Variants in PARP4 observed in about 807,000 individuals in gnomAD.
The protein encoded by PARP4 is poly(ADP-ribose) polymerase family member 4, also known as protein mono-ADP-ribosyltransferase PARP4.
PARP4 carries 120 observed loss-of-function variants against 187.7 expected under a neutral mutation model. That is an observed-to-expected ratio of 0.64 (90% confidence interval 0.55 to 0.74). PARP4 has a LOEUF of 0.74. PARP4 is among the 30% of genes least tolerant of loss of function. The probability of loss-of-function intolerance (pLI) is 0.00; values close to 1 mark genes in which losing one functional copy is unlikely to be tolerated. For synonymous variants in PARP4, 654 were observed against 740.9 expected (o/e 0.88, Z 1.90); for missense variants, 1,836 against 2,070.5 (o/e 0.89, Z 2.20).
chr13:24,504,012 T>C (rs184030789), intron 1 of PARP4, among the ~76,000 whole-genome samples: 77 of 152,352 alleles, frequency 5.1e-4, no homozygotes, highest in Non-Finnish European at 9.0e-4. Flanking sequence ...AAAATCCCTT[T>C]GTACAGGCTC....
At position 24,492,574 on chromosome 13, in the gene PARP4, A is replaced by C; in HGVS notation, c.900T>G (p.Ile300Met). The C allele has an allele frequency of 6.2e-7, 1 of 1,613,972 alleles. No homozygotes were observed. Among genetic ancestry groups the C allele is most frequent in the South Asian group, 1.1e-5 (1 of 91,078 alleles). ...TCAGTGCTGCCTTTACTAGAAGGAGAATCCCCTCTGCCTTGCTCACCTTTC... is the reference window on the plus strand; with the variant it reads ...TCAGTGCTGCCTTTACTAGAAGGAGCATCCCCTCTGCCTTGCTCACCTTTC... ...SLNDVSKAEG[I>M]LLLVKAALKN... is the part of the protein sequence containing the mutation. Residue 300 changes from isoleucine (I) to methionine (M), a missense_variant, in exon 9 of 34, where the codon ATT becomes ATG. Ile to Met is a conservative substitution (Grantham distance 10, BLOSUM62 1). Around this residue, in one of 8 missense-constraint regions of PARP4, gnomAD observed 1,147 missense variants for 1,214.2 expected, o/e 0.94. Transcript: ENST00000381989.
In PARP4 at chr13:24,503,663, G is replaced by A. The variant is rs778798689; in HGVS notation, c.114C>T (p.Ser38=). 1.2e-6 allele frequency: 2 copies of A among 1,612,874 alleles called. No homozygotes were observed. The highest frequency in any genetic ancestry group is 2.7e-5 in the African/African-American group (2 of 74,900). Residue 38 remains serine, a synonymous_variant, in exon 2 of 34, where the codon TCC becomes TCT. Transcript: ENST00000381989. The part of the protein sequence containing the change: ...TDIKENGGKF[S]FSLNPQCTHI... ...GAAATACCTGAGGATTTAACGAAAA[G>A]GAAAACTTTCCGCCATTTTCCTTAA...
chr13:24,426,088 T>C (rs1329868112), intron 33 of PARP4, among the ~76,000 whole-genome samples: 5 of 152,214 alleles, frequency 3.3e-5, no homozygotes, highest in Admixed American at 2.0e-4. Flanking sequence ...TTTAAATACT[T>C]GTATTGTATT....
chr13:24,467,276 C>T (rs188584074), intron 17 of PARP4, among the ~76,000 whole-genome samples: 2 of 152,302 alleles, frequency 1.3e-5, no homozygotes, highest in East Asian at 3.9e-4. Flanking sequence ...TCTGTTACTT[C>T]CACACTTAAA....
intron 23 of PARP4, among the ~76,000 whole-genome samples, chr13:24,452,946 T>A (rs998376783): frequency 6.6e-6 from 1 of 152,134 alleles, no homozygotes; most frequent in Non-Finnish European, 1.5e-5. Flanking sequence ...TTATTTTTTT[T>A]TTCTTTGAGA....
rs372633653 is a variant in PARP4 at position 24,435,179 on chromosome 13, G to A, written c.3962C>T (p.Pro1321Leu). 539 of 1,614,046 alleles carry A rather than the reference G, an allele frequency of 3.3e-4. No homozygotes were observed. The highest frequency in any genetic ancestry group is 4.3e-4 in the Non-Finnish European group (511 of 1,180,022). Residue 1321 changes from proline to leucine, a missense_variant, in exon 31 of 34, where the codon CCG (proline) becomes CTG (leucine). By Grantham distance (98) the Pro-to-Leu change is moderately conservative. Coordinates refer to ENST00000381989, the MANE Select transcript of PARP4 (RefSeq NM_006437.4). The stretch of plus-strand genomic sequence containing the variant: ...CGGGGGAAGATAGGAACCAACGGCC[G>A]GAGCCAAAATAGGAAAAAAGCTAGA... The part of the protein sequence containing the change: ...STSSFFPILA[P>L]AVGSYLPPTA...
At chr13:24,496,123 C>A (rs1021009205) in intron 6 of PARP4, among the ~76,000 whole-genome samples, 5 of 151,984 alleles carry the variant, frequency 3.3e-5, no homozygotes, top group African/African-American at 1.2e-4. Flanking sequence ...GAGGAAGGCA[C>A]CCTGAGGGAT....
At chr13:24,484,918 T>C (rs4770697) in intron 11 of PARP4, among the ~76,000 whole-genome samples, 170 bp from the exon 12 acceptor site, 1 of 152,124 alleles carries the variant, frequency 6.6e-6, no homozygotes, top group Non-Finnish European at 1.5e-5. Flanking sequence ...CCTTTTATTA[T>C]ATAAACATCT....
At chr13:24,477,184 A>G (rs1593630766) in intron 14 of PARP4, among the ~76,000 whole-genome samples, 2 of 152,204 alleles carry the variant, frequency 1.3e-5, no homozygotes, top group East Asian at 1.9e-4. Context: ...TACGCAAGAT[A>G]AAAAAGGAAA....
Position 24,446,748 on chromosome 13 carries a change from GCA to G in PARP4, c.3297_3298del (p.Ala1100ThrfsTer15), listed in dbSNP as rs754872746. On this transcript the variant is annotated frameshift_variant, in exon 27 of 34. Transcript: ENST00000381989. LOFTEE classifies it high-confidence loss of function. ...ACGAAATTCTTTCTCTTGAATTAGT[GCA>G]CACAGAGTTGCCTGAAATGGGGAAA... 24 of 1,591,540 alleles carry G rather than the reference GCA, an allele frequency of 1.5e-5. No individual in the cohort carries two copies. Among genetic ancestry groups the G allele is most frequent in the Admixed American group, 1.7e-5 (1 of 59,874 alleles).
intron 17 of PARP4, among the ~76,000 whole-genome samples, chr13:24,460,770 C>T (rs914495321): frequency 7.9e-5 from 12 of 152,230 alleles, no homozygotes; most frequent in African/African-American, 2.9e-4. Context: ...CTTAATGTAG[C>T]CTTGAAACCC....
At chr13:24,436,689 C>T (rs1168139042) in intron 30 of PARP4, among the ~76,000 whole-genome samples, 2 of 126,306 alleles carry the variant, frequency 1.6e-5, no homozygotes, top group Non-Finnish European at 3.4e-5. Flanking sequence ...TTGAGGGATG[C>T]TATATTACTA....
intron 17 of PARP4, among the ~76,000 whole-genome samples, chr13:24,467,477 C>T (rs529402098): frequency 1.3e-5 from 2 of 152,200 alleles, no homozygotes; most frequent in South Asian, 4.1e-4. Context: ...TGCTCTGTTG[C>T]CCAGGTTGGT....
At chr13:24,425,565 G>GTATA (rs1266200379) in intron 33 of PARP4, among the ~76,000 whole-genome samples, 11 of 132,974 alleles carry the variant, frequency 8.3e-5, no homozygotes, top group Non-Finnish European at 1.3e-4. Flanking sequence ...GTGTGTGTGT[G>GTATA]TGTGTATATC....
intron 10 of PARP4, among the ~76,000 whole-genome samples, chr13:24,487,326 G>A (rs897039655): frequency 1.3e-5 from 2 of 152,080 alleles, no homozygotes; most frequent in South Asian, 4.2e-4. Context: ...TTTGGAGAGA[G>A]GGTTGTCAAG....
intron 17 of PARP4, among the ~76,000 whole-genome samples, chr13:24,460,818 G>C (rs2137485013): frequency 6.6e-6 from 1 of 152,186 alleles, no homozygotes; most frequent in African/African-American, 2.4e-5. Context: ...TGGGACTACA[G>C]GCACGCACCA....
intron 10 of PARP4, among the ~76,000 whole-genome samples, chr13:24,488,599 C>T (rs569640904): frequency 1.0e-3 from 156 of 152,058 alleles, no homozygotes; most frequent in African/African-American, 3.6e-3. Context: ...AGTGATCTGC[C>T]CACCTCGGCC....
rs746561065 is a variant in PARP4 at position 24,453,624 on chromosome 13, T to C, written c.2789A>G (p.His930Arg). ...TGCTGCCATGGTATTGCTTGTGATA[T>C]GCTTAGGATACGAAAATAGCTCCTT... ...GYKELFSYPK[H>R]ITSNTMAAEF... The change falls in exon 23 of 34, where the codon CAT becomes CGT. Residue 930 changes from histidine to arginine, a missense_variant. Physicochemically the swap from His to Arg is conservative, Grantham distance 29. This residue lies in a region of PARP4 where 1,147 missense variants were observed against 1,214.2 expected (regional missense o/e 0.94). Transcript: ENST00000381989. 24 of 1,607,530 alleles carry C rather than the reference T, an allele frequency of 1.5e-5. 1 individual carries two copies. The highest frequency in any genetic ancestry group is 5.0e-5 in the Admixed American group (3 of 59,994).
chr13:24,470,744 T>C (rs1342468537), intron 15 of PARP4, among the ~76,000 whole-genome samples: 1 of 149,224 alleles, frequency 6.7e-6, no homozygotes, highest in African/African-American at 2.5e-5. Flanking sequence ...GACACCAAAA[T>C]GAAAAATTAA....
Sources: gnomAD v4.1 joint callset for allele counts (sites outside exome capture counted in the v4.1 genomes callset) on GRCh38, gnomAD v4.1.1 for gene constraint, gnomAD v4.1.1 regional missense constraint, MANE v1.5 for transcripts, NCBI Gene and HGNC (gene_info 2026-07-23, HGNC 2026-07-21) for gene names.